The following AK9 variants were observed in gnomAD, a reference collection of about 807,000 sequenced individuals.
The protein encoded by AK9 is adenylate kinase 9.
Under a neutral mutation model 239.6 loss-of-function variants are expected in AK9, and 191 were observed. That is an observed-to-expected ratio of 0.80 (90% CI 0.71 to 0.90). The LOEUF (loss-of-function observed/expected upper bound fraction) is 0.90. Ranked by LOEUF, AK9 falls within the 40% of genes least tolerant of loss-of-function variation. AK9 has a pLI of 0.00. For missense variants in AK9, 1,995 were observed against 2,214.7 expected (o/e 0.90, Z 1.99); for synonymous variants, 689 against 721.0 (o/e 0.96, Z 0.71).
At chr6:109,656,663 T>A in intron 8 of AK9, 93 bp downstream of exon 8, 1 of 1,361,146 alleles carries the variant, frequency 7.3e-7, no homozygotes, top group South Asian at 1.4e-5. Context: ...AGACAGATAA[T>A]AACACATGGG....
intron 27 of AK9, among the ~76,000 whole-genome samples, chr6:109,537,957 G>T (rs1782265158): frequency 6.6e-6 from 1 of 152,202 alleles, no homozygotes; most frequent in Admixed American, 6.5e-5. Context: ...TGATTGCACT[G>T]TAGTCTGAGA....
chr6:109,618,436 A>C (rs566822176), intron 13 of AK9, among the ~76,000 whole-genome samples: 6 of 150,536 alleles, frequency 4.0e-5, no homozygotes, highest in Admixed American at 2.0e-4. Flanking sequence ...ACAGAAAAAA[A>C]AAAACAAAAC....
intron 8 of AK9, among the ~76,000 whole-genome samples, chr6:109,649,755 A>G (rs1798635105): frequency 6.6e-6 from 1 of 152,238 alleles, no homozygotes; most frequent in South Asian, 2.1e-4. Context: ...ATATGGAACC[A>G]AAAAAGAGCT....
At chr6:109,663,266 T>C (rs1214103414) in intron 5 of AK9, among the ~76,000 whole-genome samples, 1 of 152,180 alleles carries the variant, frequency 6.6e-6, no homozygotes. Context: ...CCTTAATATA[T>C]TTCTTCAATT....
At chr6:109,617,869 A>T (rs559654634) in intron 13 of AK9, among the ~76,000 whole-genome samples, 3 of 152,252 alleles carry the variant, frequency 2.0e-5, no homozygotes, top group Admixed American at 2.0e-4. Flanking sequence ...AGAAGAGCAC[A>T]TTTATTTGAA....
rs755584071 is a variant in AK9, at chr6:109,659,228, CTCT to C, written c.627_629del (p.Glu210del). The C allele has an allele frequency of 3.9e-5, 61 of 1,572,978 alleles. No individual in the cohort carries two copies. Among genetic ancestry groups the C allele is most frequent in the African/African-American group, 2.5e-4 (18 of 72,566 alleles). ...TGGTAGTTACCTATTGAGATATTAC[CTCT>C]TCTTCTTCTTGCTCTTCTTCCTCTT... is the stretch of plus-strand genomic sequence containing the variant. On this transcript the variant is annotated inframe_deletion and splice_region_variant, in exon 7 of 41. Transcript: ENST00000424296.
chr6:109,683,320 T>A (rs1174211393), intron 1 of AK9, among the ~76,000 whole-genome samples: 1 of 152,178 alleles, frequency 6.6e-6, no homozygotes, highest in Non-Finnish European at 1.5e-5. Context: ...CTGGAAGCAT[T>A]TTCTTTGAAA....
intron 13 of AK9, among the ~76,000 whole-genome samples, chr6:109,615,258 C>CA (rs1554271047): frequency 2.2e-5 from 3 of 139,294 alleles, no homozygotes; most frequent in African/African-American, 8.0e-5. Context: ...GTTCCCTTGG[C>CA]TTTTTTTTTT....
At chr6:109,528,252 C>T (rs1427881123) in intron 29 of AK9, 1 of 337,150 alleles carries the variant, frequency 3.0e-6, no homozygotes, top group East Asian at 7.9e-5. Context: ...CAGGTTAGGA[C>T]ATCTTTTTGA....
chr6:109,588,310 C>G (rs1172731550), intron 17 of AK9, among the ~76,000 whole-genome samples: 3 of 152,062 alleles, frequency 2.0e-5, no homozygotes, highest in Non-Finnish European at 4.4e-5. Context: ...ACCTCGTGAT[C>G]CGCCCGTCTC....
chr6:109,516,052 T>C lies in AK9; in HGVS notation c.3870A>G (p.Ile1290Met). 1.9e-6 allele frequency: 3 copies of C among 1,549,874 alleles called. No homozygotes were observed. The highest frequency in any genetic ancestry group is 2.4e-5 in the East Asian group (1 of 40,906). The change falls in exon 31 of 41, where the codon ATA (isoleucine) becomes ATG (methionine). Residue 1290 changes from isoleucine to methionine, a missense_variant. Physicochemically the swap from Ile to Met is conservative, Grantham distance 10 (BLOSUM62 1). Around this residue, in one of 5 missense-constraint regions of AK9, gnomAD observed 1,290 missense variants for 1,392.7 expected, o/e 0.93. Transcript: ENST00000424296. ...IIQDELERYL[I>M]PIISINGARR... Reference sequence around the variant, plus strand: ...GAGCTCCATTAATGGAAATTATTGGTATCAAATACCTCTCAAGTTCATCCT... The same window carrying C: ...GAGCTCCATTAATGGAAATTATTGGCATCAAATACCTCTCAAGTTCATCCT...
rs554110228 is a variant in AK9 at position 109,640,044 on chromosome 6, A to C, written c.933+1474T>G. 1.4e-4 allele frequency among the ~76,000 whole-genome samples: 22 copies of C among 152,336 alleles called. No homozygotes were observed. The South Asian group carries it at 4.3e-3, about 30-fold the overall frequency. On this transcript the variant is annotated intron_variant, in intron 10 of 40. Coordinates refer to ENST00000424296, the MANE Select transcript of AK9 (RefSeq NM_001145128.3). ...GTACCAATACCATGCTGTTTTGGTT[A>C]CTGTAGCCTTGTAGTATAGTTTGAA...
rs181899784 is a variant in AK9 at position 109,665,327 on chromosome 6, T to C, written c.332-2664A>G. Among the ~76,000 whole-genome samples the C allele has an allele frequency of 2.5e-3, 377 of 152,362 alleles. 3 individuals are homozygous for C. The highest frequency in any genetic ancestry group is 6.8e-3 in the Middle Eastern group (2 of 294). On this transcript the variant is annotated intron_variant, in intron 5 of 40. Coordinates refer to ENST00000424296, the MANE Select transcript of AK9 (RefSeq NM_001145128.3). ...ACTTACTTACATGCTCCTGCTATTG[T>C]CTTAAACATAGCGTGGTATCCCCAA...
chr6:109,595,240 C>A (rs552470659), intron 17 of AK9, among the ~76,000 whole-genome samples: 4 of 152,214 alleles, frequency 2.6e-5, no homozygotes, highest in South Asian at 2.1e-4. Context: ...ATGCGGCCAA[C>A]AAACATACGA....
At chr6:109,561,310 TTTATG>T (rs1422783065) in intron 24 of AK9, among the ~76,000 whole-genome samples, 1 of 151,752 alleles carries the variant, frequency 6.6e-6, no homozygotes, top group Non-Finnish European at 1.5e-5. Context: ...GACAGTTTAT[TTTATG>T]TTTTGTTTTG....
At chr6:109,647,748 A>G (rs967834734) in intron 8 of AK9, among the ~76,000 whole-genome samples, 8 of 152,176 alleles carry the variant, frequency 5.3e-5, no homozygotes, top group African/African-American at 1.9e-4. Context: ...TCTAATAGAC[A>G]TCTACAGAAC....
At chr6:109,631,707 C>A (rs1481318072) in intron 12 of AK9, 1 of 152,202 alleles carries the variant, frequency 6.6e-6, no homozygotes, top group East Asian at 1.9e-4. Context: ...TTACTCCAAT[C>A]TGGAATCAAT....
intron 20 of AK9, among the ~76,000 whole-genome samples, chr6:109,573,893 T>C (rs374708544): frequency 5.6e-4 from 85 of 152,226 alleles, no homozygotes; most frequent in African/African-American, 1.9e-3. Flanking sequence ...AATAGCCCAA[T>C]GTCCAAAGAA....
intron 12 of AK9, chr6:109,632,173 A>G: frequency 2.0e-6 from 2 of 985,456 alleles, no homozygotes; most frequent in South Asian, 4.7e-5. Flanking sequence ...ATGTTTCACA[A>G]TGAAAAAGTT....
Sources: gnomAD v4.1 joint callset for allele counts (sites outside exome capture counted in the v4.1 genomes callset) on GRCh38, gnomAD v4.1.1 for gene constraint, gnomAD v4.1.1 regional missense constraint, MANE v1.5 for transcripts, NCBI Gene and HGNC (gene_info 2026-07-23, HGNC 2026-07-21) for gene names.